Variants in CCDC3 observed in about 807,000 individuals in gnomAD.
CCDC3 encodes coiled-coil domain-containing protein 3.
In CCDC3, 24 loss-of-function variants were observed where a neutral mutation model predicts 21.4. The observed-to-expected ratio is 1.12, with a 90% confidence interval of 0.81 to 1.58. The LOEUF is 1.58. CCDC3 is among the 40% of genes most tolerant of loss of function. The pLI, the probability that CCDC3 is intolerant of heterozygous loss-of-function variation, is 0.00. For synonymous variants in CCDC3, 186 were observed against 166.0 expected (o/e 1.12, Z -0.93); for missense variants, 425 against 360.9 (o/e 1.18, Z -1.44).
intron 5 of CCDC3, among the ~76,000 whole-genome samples, chr10:13,040,959 T>C (rs993520192): frequency 1.3e-5 from 2 of 152,220 alleles, no homozygotes; most frequent in East Asian, 3.8e-4. Flanking sequence ...GAATCTTTCT[T>C]GTTTTTTAGA....
intron 2 of CCDC3, among the ~76,000 whole-genome samples, chr10:12,952,292 T>G (rs1050806618): frequency 1.3e-5 from 2 of 152,170 alleles, no homozygotes; most frequent in African/African-American, 4.8e-5. Context: ...TCAATAAATA[T>G]TAGCTCAGCA....
At chr10:13,046,719 AAAAG>A (rs1370612177) in intron 5 of CCDC3, among the ~76,000 whole-genome samples, 46 of 147,368 alleles carry the variant, frequency 3.1e-4, no homozygotes, top group African/African-American at 8.0e-4. Context: ...AAAAAAAAAA[AAAAG>A]AAGAAGAAGA....
At chr10:13,093,473 C>T (rs1188915521) in intron 3 of CCDC3, among the ~76,000 whole-genome samples, 1 of 152,164 alleles carries the variant, frequency 6.6e-6, no homozygotes, top group African/African-American at 2.4e-5. Flanking sequence ...ACCATATCAC[C>T]AGCCAAGTAT....
chr10:12,936,589 T>C (rs1289022379), intron 2 of CCDC3, among the ~76,000 whole-genome samples: 1 of 152,242 alleles, frequency 6.6e-6, no homozygotes, highest in Non-Finnish European at 1.5e-5. Flanking sequence ...GTATAGGTTT[T>C]TGGCATTTCA....
chr10:12,992,591 G>A (rs1835698090), intron 2 of CCDC3, among the ~76,000 whole-genome samples: 1 of 152,002 alleles, frequency 6.6e-6, no homozygotes, highest in African/African-American at 2.4e-5. Context: ...ACTCATAAAT[G>A]GGATCTAAGC....
At chr10:13,011,275 T>C (rs1256588424) in intron 5 of CCDC3, among the ~76,000 whole-genome samples, 1 of 151,840 alleles carries the variant, frequency 6.6e-6, no homozygotes, top group African/African-American at 2.4e-5. Flanking sequence ...CATGATTCTA[T>C]ATCTAGAAAA....
intron 2 of CCDC3, among the ~76,000 whole-genome samples, chr10:12,918,139 C>A (rs1589004486): frequency 6.6e-6 from 1 of 152,278 alleles, no homozygotes; most frequent in African/African-American, 2.4e-5. Context: ...TTACCTCCTT[C>A]TTTAGGATTC....
At chr10:13,036,469 T>C (rs902931669) in intron 5 of CCDC3, among the ~76,000 whole-genome samples, 3 of 152,096 alleles carry the variant, frequency 2.0e-5, no homozygotes, top group African/African-American at 7.2e-5. Context: ...GAAGGCCTTA[T>C]GTGTGCTTTT....
chr10:12,991,189 C>T (rs866661167), intron 2 of CCDC3, among the ~76,000 whole-genome samples: 6 of 152,166 alleles, frequency 3.9e-5, no homozygotes, highest in African/African-American at 1.4e-4. Flanking sequence ...GTTCAAACCT[C>T]GCTTTAGAAA....
intron 2 of CCDC3, among the ~76,000 whole-genome samples, chr10:12,980,272 G>C (rs1835476220): frequency 6.6e-6 from 1 of 152,212 alleles, no homozygotes; most frequent in Non-Finnish European, 1.5e-5. Flanking sequence ...TTAACTAAAA[G>C]AAAGATGAGA....
chr10:12,929,585 C>A (rs967798377), intron 2 of CCDC3, among the ~76,000 whole-genome samples: 1 of 152,188 alleles, frequency 6.6e-6, no homozygotes, highest in Non-Finnish European at 1.5e-5. Context: ...CTGCCCCCCT[C>A]TGCCACAGAT....
At chr10:13,035,188 T>G (rs1464333100) in intron 5 of CCDC3, among the ~76,000 whole-genome samples, 1 of 152,110 alleles carries the variant, frequency 6.6e-6, no homozygotes. Flanking sequence ...GAGGCTTTCC[T>G]AGGTGGAAGC....
At chr10:12,985,232 C>T (rs1000109008) in intron 2 of CCDC3, among the ~76,000 whole-genome samples, 7 of 152,182 alleles carry the variant, frequency 4.6e-5, no homozygotes, top group Admixed American at 2.0e-4. Context: ...TGAGATAGCA[C>T]TGCACACCTA....
At chr10:13,024,177 G>T (rs760395599) in intron 5 of CCDC3, among the ~76,000 whole-genome samples, 6 of 151,612 alleles carry the variant, frequency 4.0e-5, no homozygotes, top group Non-Finnish European at 8.8e-5. Flanking sequence ...CCCCATAGAA[G>T]TTTGGCGGTC....
chr10:13,002,045 A>G (rs1390886976), upstream of CCDC3, among the ~76,000 whole-genome samples: 2 of 152,200 alleles, frequency 1.3e-5, no homozygotes, highest in African/African-American at 2.4e-5. Flanking sequence ...AAGTTTTTAC[A>G]TTTTCTCTAC....
intron 5 of CCDC3, among the ~76,000 whole-genome samples, chr10:13,048,717 C>T (rs957831299): frequency 7.9e-5 from 12 of 152,070 alleles, no homozygotes; most frequent in African/African-American, 2.4e-4. Context: ...CTTGGCAGGT[C>T]GCTAGCTGTC....
At chr10:12,976,461 C>G (rs1003021408) in intron 2 of CCDC3, among the ~76,000 whole-genome samples, 5 of 152,098 alleles carry the variant, frequency 3.3e-5, no homozygotes, top group Non-Finnish European at 7.4e-5. Flanking sequence ...GGCTGAGGAG[C>G]TGGGTGGCCA....
At chr10:12,924,256 C>T (rs1257626213) in intron 2 of CCDC3, among the ~76,000 whole-genome samples, 9 of 152,150 alleles carry the variant, frequency 5.9e-5, no homozygotes, top group East Asian at 1.9e-4. Flanking sequence ...TTGCCTATGT[C>T]GAGGCCCTCT....
chr10:12,911,203 A>AC (rs34760818), intron 2 of CCDC3, among the ~76,000 whole-genome samples: 58,452 of 151,836 alleles, frequency 0.38, 12,669 homozygotes, highest in African/African-American at 0.6. Flanking sequence ...CTGTTGCATC[A>AC]CCTGCTTCTC....
Sources: allele counts gnomAD v4.1 joint callset (sites outside exome capture counted in the v4.1 genomes callset), GRCh38; gene constraint gnomAD v4.1.1; transcripts MANE v1.5; gene names NCBI Gene and HGNC (gene_info 2026-07-23, HGNC 2026-07-21).